Variants in FGFR1OP2 observed in about 807,000 individuals in gnomAD.
FGFR1OP2 encodes the protein fibroblast growth factor receptor 1 oncogene partner 2.
In FGFR1OP2, 17 loss-of-function variants were observed where a neutral mutation model predicts 35.2. That is an observed-to-expected ratio of 0.48 (90% confidence interval 0.33 to 0.73). The LOEUF is 0.73. FGFR1OP2 is among the 30% of genes least tolerant of loss of function. FGFR1OP2 has a pLI of 0.02. For missense variants in FGFR1OP2, 251 were observed against 307.3 expected (o/e 0.82, Z 1.37); for synonymous variants, 105 against 104.6 (o/e 1.00, Z -0.03).
Position 26,960,541 on chromosome 12 carries a change from C to A in FGFR1OP2, c.423C>A (p.Ser141=). The A allele has an allele frequency of 6.2e-7, 1 of 1,613,066 alleles. No homozygotes were observed. The highest frequency in any genetic ancestry group is 8.5e-7 in the Non-Finnish European group (1 of 1,179,408). ...TTGACATGGTACATCGTAACAAGTC[C>A]GAAGGATTCTTCCTTGATGCATCTC... The part of the protein sequence containing the change: ...SKIDMVHRNK[S]EGFFLDASRH... Residue 141 remains serine (S), a synonymous_variant, in exon 5 of 7, where the codon TCC becomes TCA. Coordinates refer to ENST00000229395, the MANE Select transcript of FGFR1OP2 (RefSeq NM_015633.3).
At chr12:26,945,986 A>G (rs1938815027) in intron 1 of FGFR1OP2, among the ~76,000 whole-genome samples, 1 of 151,780 alleles carries the variant, frequency 6.6e-6, no homozygotes, top group East Asian at 1.9e-4. Flanking sequence ...AAGAATGTGT[A>G]CTCTGCTGTT....
chr12:26,954,198 G>T lies in FGFR1OP2; in HGVS notation c.40G>T (p.Ala14Ser), dbSNP rs1211789025. Reference sequence around the variant, plus strand: ...TGAGAAGGCACTTGCCGACGCTAAAGCTCTTGTTGAAAGATTAAGAGATCA... The same window carrying T: ...TGAGAAGGCACTTGCCGACGCTAAATCTCTTGTTGAAAGATTAAGAGATCA... Reference protein sequence around the residue: ...TIEKALADAKALVERLRDHDD... With the variant: ...TIEKALADAKSLVERLRDHDD... Residue 14 changes from alanine to serine, a missense_variant, in exon 2 of 7, where the codon GCT becomes TCT. Coordinates refer to ENST00000229395, the MANE Select transcript of FGFR1OP2 (RefSeq NM_015633.3). The T allele has an allele frequency of 6.2e-7, 1 of 1,609,662 alleles. No individual in the cohort carries two copies. Among genetic ancestry groups the T allele is most frequent in the Non-Finnish European group, 8.5e-7 (1 of 1,177,728 alleles).
At position 26,964,757 on chromosome 12, in the gene FGFR1OP2, C is replaced by T. The variant is rs188286139; in HGVS notation, c.*24C>T. On this transcript the variant is annotated 3_prime_UTR_variant, in exon 7 of 7. Transcript: ENST00000229395. The stretch of plus-strand genomic sequence containing the variant: ...GAAGAGTTTCTGAGTCTGTGAGCTT[C>T]TTACATGGCTCCAAATGGTCAAATA... The T allele has an allele frequency of 3.9e-4, 620 of 1,601,724 alleles. 2 individuals are homozygous for T. In the African/African-American group the frequency reaches 6.6e-3, roughly 17 times the overall value.
chr12:26,963,347 G>T lies in FGFR1OP2; in HGVS notation c.516G>T (p.Leu172=). The change falls in exon 6 of 7, where the codon CTG becomes CTT. Residue 172 remains leucine (L), a synonymous_variant. Transcript: ENST00000229395. ...RRHLEANQNE[L]QAHVDQITEM... ...CTCCCATCCCTCTTTTTCAGGAACT[G>T]CAAGCACATGTTGACCAGATAACTG... 1 of 1,596,204 alleles carries T rather than the reference G, an allele frequency of 6.3e-7. No homozygotes were observed. The highest frequency in any genetic ancestry group is 8.5e-7 in the Non-Finnish European group (1 of 1,170,280).
chr12:26,939,519 T>G (rs1185957387), intron 1 of FGFR1OP2, among the ~76,000 whole-genome samples: 1 of 152,212 alleles, frequency 6.6e-6, no homozygotes, highest in Non-Finnish European at 1.5e-5. Context: ...AAACATGCCA[T>G]GCGCTTTGAC....
intron 1 of FGFR1OP2, among the ~76,000 whole-genome samples, chr12:26,947,934 C>G (rs1938855851): frequency 6.6e-6 from 1 of 151,960 alleles, no homozygotes; most frequent in South Asian, 2.1e-4. Context: ...TTATTGAACA[C>G]TTTTTAATTC....
At chr12:26,940,781 CT>C (rs1938722360) in intron 1 of FGFR1OP2, among the ~76,000 whole-genome samples, 1 of 152,162 alleles carries the variant, frequency 6.6e-6, no homozygotes, top group Admixed American at 6.5e-5. Flanking sequence ...AATGTGATGC[CT>C]AATTAAAATG....
chr12:26,945,906 T>C (rs910219999), intron 1 of FGFR1OP2, among the ~76,000 whole-genome samples: 13 of 152,116 alleles, frequency 8.5e-5, no homozygotes, highest in African/African-American at 2.4e-4. Flanking sequence ...TACAGTTCTC[T>C]TAAATTTGTT....
At chr12:26,944,342 T>C (rs567864478) in intron 1 of FGFR1OP2, among the ~76,000 whole-genome samples, 1 of 152,336 alleles carries the variant, frequency 6.6e-6, no homozygotes, top group South Asian at 2.1e-4. Flanking sequence ...TTGTTCCTAA[T>C]TTTATTGGGA....
At chr12:26,954,104 G>T in intron 1 of FGFR1OP2, 41 bp from the exon 2 acceptor site, 1 of 1,404,766 alleles carries the variant, frequency 7.1e-7, no homozygotes, top group African/African-American at 1.5e-5. Context: ...AAAGAGATAT[G>T]TTGACTTTAT....
intron 5 of FGFR1OP2, 91 bp from the exon 6 acceptor site, chr12:26,963,251 G>A: frequency 1.5e-6 from 1 of 679,196 alleles, no homozygotes; most frequent in South Asian, 2.1e-5. Flanking sequence ...GAATATTCAT[G>A]TTAAGTGGTA....
chr12:26,965,886 G>A lies in FGFR1OP2; in HGVS notation c.*1153G>A, dbSNP rs769554965. 7.9e-5 allele frequency: 12 copies of A among 151,938 alleles called. No individual in the cohort carries two copies. Among genetic ancestry groups the A allele is most frequent in the Non-Finnish European group, 1.5e-4 (10 of 67,928 alleles). 9.4% of individuals were successfully genotyped at this position (151,938 alleles called of 1,614,324 possible). A position where few individuals can be genotyped will look rare whatever the true frequency, so the allele number is the denominator to read the frequency against. ...GATACAGAAATGTGCTTTAACATCAGTTGAAACCTAAATTTTCTTATGTTG... is the reference window on the plus strand; with the variant it reads ...GATACAGAAATGTGCTTTAACATCAATTGAAACCTAAATTTTCTTATGTTG... On this transcript the variant is annotated 3_prime_UTR_variant, in exon 7 of 7. Coordinates refer to ENST00000229395, the MANE Select transcript of FGFR1OP2 (RefSeq NM_015633.3).
At chr12:26,939,492 A>C (rs1171719011) in intron 1 of FGFR1OP2, among the ~76,000 whole-genome samples, 1 of 152,178 alleles carries the variant, frequency 6.6e-6, no homozygotes, top group Non-Finnish European at 1.5e-5. Context: ...ATACAAGACT[A>C]TACTGGCTAT....
At position 26,954,170 on chromosome 12, in the gene FGFR1OP2, A is replaced by C; in HGVS notation, c.12A>C (p.Thr4=). ...ATATATCTTTAGAAATGAGTTGCAC[A>C]ATTGAGAAGGCACTTGCCGACGCTA... The part of the protein sequence containing the change: MSC[T]IEKALADAKA... The change falls in exon 2 of 7, where the codon ACA becomes ACC. Residue 4 remains threonine (T), a synonymous_variant. Transcript: ENST00000229395. 1 of 1,599,932 alleles carries C rather than the reference A, an allele frequency of 6.3e-7. No individual in the cohort carries two copies.
chr12:26,941,090 G>C, intron 1 of FGFR1OP2, among the ~76,000 whole-genome samples: 1 of 111,000 alleles, frequency 9.0e-6, no homozygotes, highest in African/African-American at 3.4e-5. Flanking sequence ...ATGCAGAAAA[G>C]AAAAAAAAAT....
intron 1 of FGFR1OP2, among the ~76,000 whole-genome samples, chr12:26,948,630 A>AGTTAG: frequency 6.6e-6 from 1 of 152,172 alleles, no homozygotes; most frequent in Non-Finnish European, 1.5e-5. Context: ...ATCTTGTTGG[A>AGTTAG]AACTCCTGCC....
intron 1 of FGFR1OP2, among the ~76,000 whole-genome samples, chr12:26,947,214 G>A (rs1371871067): frequency 6.6e-6 from 1 of 152,088 alleles, no homozygotes; most frequent in African/African-American, 2.4e-5. Context: ...TTTCCAAAGT[G>A]GCTATACCAT....
In FGFR1OP2 at chr12:26,964,810, C is replaced by A; in HGVS notation, c.*77C>A. ...TGAATGAATGAATGGACAGAAAATT[C>A]AATCCTTTATTTTTTTCTCTGTAAA... On this transcript the variant is annotated 3_prime_UTR_variant, in exon 7 of 7. Transcript: ENST00000229395. 6.6e-7 allele frequency: 1 copy of A among 1,505,610 alleles called. No individual in the cohort carries two copies. Among genetic ancestry groups the A allele is most frequent in the Non-Finnish European group, 9.0e-7 (1 of 1,107,990 alleles). 93.3% of individuals were successfully genotyped at this position (1,505,610 alleles called of 1,614,324 possible).
At chr12:26,939,795 A>G (rs942165331) in intron 1 of FGFR1OP2, among the ~76,000 whole-genome samples, 1 of 152,248 alleles carries the variant, frequency 6.6e-6, no homozygotes, top group Non-Finnish European at 1.5e-5. Flanking sequence ...AGTACTTGGC[A>G]CATAGCAAGC....
Sources: gnomAD v4.1 joint callset for allele counts (sites outside exome capture counted in the v4.1 genomes callset) on GRCh38, gnomAD v4.1.1 for gene constraint, MANE v1.5 for transcripts, NCBI Gene and HGNC (gene_info 2026-07-23, HGNC 2026-07-21) for gene names.